The following TMEM178A variants were observed in gnomAD, a reference collection of about 807,000 sequenced individuals.
TMEM178A encodes the protein transmembrane protein 178A, also known as transmembrane protein 178.
In TMEM178A, 12 loss-of-function variants were observed where a neutral mutation model predicts 29.1. The observed-to-expected ratio is 0.41, with a 90% CI of 0.26 to 0.67. TMEM178A has a LOEUF of 0.67. Among genes scored for constraint, TMEM178A ranks in the 30% least tolerant of loss-of-function variants. The pLI, the probability that TMEM178A is intolerant of heterozygous loss-of-function variation, is 0.29. For missense variants in TMEM178A, 366 were observed against 419.1 expected, an observed-to-expected ratio of 0.87 and a Z score of 1.11; for synonymous variants, 210 against 187.2, an observed-to-expected ratio of 1.12 and a Z score of -0.99.
chr2:39,735,773 T>C, the TMEM178A span, among the ~76,000 whole-genome samples: 2 of 152,356 alleles, frequency 1.3e-5, no homozygotes, highest in African/African-American at 4.8e-5. Flanking sequence ...GGTGGCTACG[T>C]AGCCAAGAGC....
chr2:39,705,884 C>T (rs1388932505), intron 2 of TMEM178A, among the ~76,000 whole-genome samples: 1 of 152,198 alleles, frequency 6.6e-6, no homozygotes, highest in African/African-American at 2.4e-5. Context: ...TTTGCCCAGA[C>T]CTGTTACCTG....
At chr2:39,665,705 G>A, upstream of TMEM178A, 1 of 313,468 alleles carries the variant, frequency 3.2e-6, no homozygotes, top group East Asian at 4.7e-5. Context: ...GGGGGCTGGG[G>A]AAGAGGAGGG....
At chr2:39,686,032 C>T (rs1167215380) in intron 1 of TMEM178A, among the ~76,000 whole-genome samples, 1 of 152,238 alleles carries the variant, frequency 6.6e-6, no homozygotes, top group Non-Finnish European at 1.5e-5. Flanking sequence ...CACATTCGTG[C>T]CTTGGTGACT....
intron 1 of TMEM178A, among the ~76,000 whole-genome samples, chr2:39,702,551 G>T (rs909173138): frequency 1.2e-4 from 18 of 151,766 alleles, no homozygotes; most frequent in African/African-American, 4.1e-4. Context: ...ATACTATATT[G>T]TTTTCCCTTT....
At chr2:39,670,065 G>T (rs1404200960) in intron 1 of TMEM178A, among the ~76,000 whole-genome samples, 1 of 152,162 alleles carries the variant, frequency 6.6e-6, no homozygotes, top group African/African-American at 2.4e-5. Context: ...AGTAAGGACT[G>T]ACTTGGAAAA....
chr2:39,684,835 C>A (rs2148071237), intron 1 of TMEM178A, among the ~76,000 whole-genome samples: 1 of 152,250 alleles, frequency 6.6e-6, no homozygotes, highest in East Asian at 1.9e-4. Context: ...TCCCCTACAC[C>A]TTCGCTTTTG....
the TMEM178A span, among the ~76,000 whole-genome samples, chr2:39,725,969 T>C: frequency 1.3e-5 from 2 of 152,194 alleles, no homozygotes; most frequent in South Asian, 2.1e-4. Flanking sequence ...CACATCTCTA[T>C]AGAGCACCTA....
At chr2:39,673,384 G>A (rs1358576926) in intron 1 of TMEM178A, among the ~76,000 whole-genome samples, 1 of 152,182 alleles carries the variant, frequency 6.6e-6, no homozygotes, top group Non-Finnish European at 1.5e-5. Context: ...TTAAGTTTCT[G>A]TTATCTTTAA....
At chr2:39,716,199 G>C (rs548598535) in intron 3 of TMEM178A, among the ~76,000 whole-genome samples, 1 of 152,180 alleles carries the variant, frequency 6.6e-6, no homozygotes, top group Non-Finnish European at 1.5e-5. Flanking sequence ...AGCATCTTGA[G>C]GGTCCATTGC....
At position 39,675,342 on chromosome 2, in the gene TMEM178A, A is replaced by T. The variant is rs1332578400; in HGVS notation, c.400+8968A>T. Reference sequence around the variant, plus strand: ...CTGTATAAATAACTCATTACCTACCAGTCCTCTGAACAGGTCCCAACACAT... The same window carrying T: ...CTGTATAAATAACTCATTACCTACCTGTCCTCTGAACAGGTCCCAACACAT... On this transcript the variant is annotated intron_variant, in intron 1 of 3. Coordinates refer to ENST00000281961, the MANE Select transcript of TMEM178A (RefSeq NM_152390.3). 2.0e-5 allele frequency among the ~76,000 whole-genome samples: 3 copies of T among 152,214 alleles called. No homozygotes were observed. In the East Asian group the frequency reaches 5.8e-4, roughly 29 times the overall value.
Position 39,717,288 on chromosome 2 carries a change from C to G in TMEM178A, c.*37C>G. On this transcript the variant is annotated 3_prime_UTR_variant, in exon 4 of 4. Coordinates refer to ENST00000281961, the MANE Select transcript of TMEM178A (RefSeq NM_152390.3). Reference sequence around the variant, plus strand: ...GGGCCTGTCCACAGTGCGAGCGACTCCTGAGGGGAACAGCGCGGAGTTCAG... The same window carrying G: ...GGGCCTGTCCACAGTGCGAGCGACTGCTGAGGGGAACAGCGCGGAGTTCAG... 1 of 1,601,460 alleles carries G rather than the reference C, an allele frequency of 6.2e-7. No homozygotes were observed. Among genetic ancestry groups the G allele is most frequent in the Non-Finnish European group, 8.5e-7 (1 of 1,173,024 alleles).
chr2:39,667,486 T>G (rs968297857), intron 1 of TMEM178A, among the ~76,000 whole-genome samples: 4 of 151,974 alleles, frequency 2.6e-5, no homozygotes, highest in Admixed American at 6.6e-5. Flanking sequence ...CTTGGACTCA[T>G]GATGCCAAAA....
chr2:39,692,367 A>G (rs1336801299), intron 1 of TMEM178A, among the ~76,000 whole-genome samples: 2 of 152,234 alleles, frequency 1.3e-5, no homozygotes. Flanking sequence ...TGTGATGGAT[A>G]TATTAATTAG....
chr2:39,719,788 G>C (rs571046988), downstream of TMEM178A, among the ~76,000 whole-genome samples: 3 of 151,964 alleles, frequency 2.0e-5, no homozygotes, highest in African/African-American at 7.3e-5. Context: ...GTCCATTCTC[G>C]GGGAAGCCTC....
chr2:39,678,106 A>G (rs1017565151), intron 1 of TMEM178A, among the ~76,000 whole-genome samples: 10 of 152,234 alleles, frequency 6.6e-5, no homozygotes, highest in African/African-American at 2.4e-4. Flanking sequence ...TTAAATATCC[A>G]TTAGGTACAT....
the TMEM178A span, among the ~76,000 whole-genome samples, chr2:39,734,063 T>C: frequency 6.6e-6 from 1 of 152,234 alleles, no homozygotes; most frequent in Non-Finnish European, 1.5e-5. Flanking sequence ...ACCAATCTAC[T>C]ACTCCTATTT....
At chr2:39,679,194 T>C (rs941489719) in intron 1 of TMEM178A, among the ~76,000 whole-genome samples, 2 of 152,236 alleles carry the variant, frequency 1.3e-5, no homozygotes, top group Admixed American at 1.3e-4. Context: ...ATTGGGCACA[T>C]GGCGATCTGC....
chr2:39,732,380 G>A, the TMEM178A span, among the ~76,000 whole-genome samples: 4 of 152,170 alleles, frequency 2.6e-5, no homozygotes, highest in African/African-American at 7.2e-5. Context: ...AAAAAGCACT[G>A]ACTGCCCCTG....
chr2:39,670,927 A>T (rs1443574933), intron 1 of TMEM178A, among the ~76,000 whole-genome samples: 1 of 152,218 alleles, frequency 6.6e-6, no homozygotes, highest in Non-Finnish European at 1.5e-5. Flanking sequence ...TTCTAATATT[A>T]CATATTATCT....
Sources: allele counts gnomAD v4.1 joint callset (sites outside exome capture counted in the v4.1 genomes callset), GRCh38; gene constraint gnomAD v4.1.1; transcripts MANE v1.5; gene names NCBI Gene and HGNC (gene_info 2026-07-23, HGNC 2026-07-21).